DSC3: variants seen among roughly 807,000 people sequenced by gnomAD.
DSC3 encodes the protein desmocollin-3.
A neutral mutation model predicts 89.5 loss-of-function variants in DSC3; 97 were observed. The ratio of observed to expected loss-of-function variants is 1.08; its 90% CI spans 0.92 to 1.28. DSC3 has a LOEUF of 1.28. Ranked by LOEUF, DSC3 falls within the 50% of genes most tolerant of loss-of-function variation. The pLI is 0.00. For synonymous variants in DSC3, 436 were observed against 384.1 expected, an observed-to-expected ratio of 1.14 and a Z score of -1.58; for missense variants, 1,199 against 1,085.3, an observed-to-expected ratio of 1.10 and a Z score of -1.47.
chr18:30,992,697 G>C lies in DSC3; in HGVS notation c.*1478C>G, dbSNP rs1416355514. 1 of 152,170 alleles carries C rather than the reference G, an allele frequency of 6.6e-6. No homozygotes were observed. Among genetic ancestry groups the C allele is most frequent in the Non-Finnish European group, 1.5e-5 (1 of 68,014 alleles). 9.4% of individuals were successfully genotyped at this position (152,170 alleles called of 1,614,324 possible). On this transcript the variant is annotated 3_prime_UTR_variant, in exon 16 of 16. Transcript: ENST00000360428. ...CCCAAAGTTCCCTCTGTTCTAAAAT[G>C]ACAACTTGATCTTTTTCTTTTATAC... is the stretch of plus-strand genomic sequence containing the variant.
intron 9 of DSC3, among the ~76,000 whole-genome samples, chr18:31,015,566 T>C (rs886790020): frequency 6.6e-6 from 1 of 152,196 alleles, no homozygotes; most frequent in Non-Finnish European, 1.5e-5. Flanking sequence ...TAATTCCTAG[T>C]GGTATTTAAA....
At chr18:31,020,035 A>T (rs1022703709) in intron 7 of DSC3, among the ~76,000 whole-genome samples, 5 of 152,216 alleles carry the variant, frequency 3.3e-5, no homozygotes, top group African/African-American at 1.2e-4. Context: ...GGAAGTAAAC[A>T]CTATTGAGGT....
rs370084859 is a variant in DSC3 at position 31,001,620 on chromosome 18, C to A, written c.2233G>T (p.Val745Leu). 7 of 1,609,396 alleles carry A rather than the reference C, an allele frequency of 4.3e-6. No homozygotes were observed. The change falls in exon 14 of 16, where the codon GTG (valine) becomes TTG (leucine). Residue 745 changes from valine (V) to leucine (L), a missense_variant and splice_region_variant. Physicochemically the swap from Val to Leu is conservative, Grantham distance 32. Transcript: ENST00000360428. Reference sequence around the variant, plus strand: ...ATATTTATTTAAAAATTACTTACCACTCTATCGTCTCCAGGTGCTTCTGTG... The same window carrying A: ...ATATTTATTTAAAAATTACTTACCAATCTATCGTCTCCAGGTGCTTCTGTG... ...SNTEAPGDDR[V>L]CSANGFMTQT...
intron 8 of DSC3, 142 bp downstream of exon 8, chr18:31,018,524 A>C: frequency 1.0e-6 from 1 of 971,344 alleles, no homozygotes; most frequent in Non-Finnish European, 1.5e-6. Flanking sequence ...TTTACATATC[A>C]CTTGTTTAAA....
intron 14 of DSC3, 132 bp downstream of exon 14, chr18:31,001,486 C>A: frequency 9.9e-7 from 1 of 1,006,796 alleles, no homozygotes. Context: ...TGAATATTGA[C>A]AGACAATATC....
intron 12 of DSC3, among the ~76,000 whole-genome samples, 178 bp downstream of exon 12, chr18:31,006,729 C>T (rs1030264563): frequency 3.3e-5 from 5 of 152,114 alleles, no homozygotes; most frequent in African/African-American, 1.2e-4. Context: ...TTACATCTTC[C>T]TTCATTTTAT....
At chr18:31,023,434 TCA>T (rs1491492018) in intron 6 of DSC3, among the ~76,000 whole-genome samples, 1 of 152,162 alleles carries the variant, frequency 6.6e-6, no homozygotes, top group Non-Finnish European at 1.5e-5. Flanking sequence ...TTGTAAACCT[TCA>T]CTACACACAA....
Position 30,990,072 on chromosome 18 carries a change from G to C in DSC3, c.*4103C>G, listed in dbSNP as rs1984181471. ...CTAAAAAGAGATGAGATATTGTTCG[G>C]TAGTATATCCAACTACATAATTTTA... On this transcript the variant is annotated 3_prime_UTR_variant, in exon 16 of 16. Coordinates refer to ENST00000360428, the MANE Select transcript of DSC3 (RefSeq NM_001941.5). 1 of 152,128 alleles carries C rather than the reference G, an allele frequency of 6.6e-6. No individual in the cohort carries two copies. The highest frequency in any genetic ancestry group is 1.5e-5 in the Non-Finnish European group (1 of 68,008). 9.4% of individuals were successfully genotyped at this position (152,128 alleles called of 1,614,324 possible).
chr18:31,004,229 G>A lies in DSC3; in HGVS notation c.2026C>T (p.Gln676Ter), dbSNP rs1419192245. 6.2e-7 allele frequency: 1 copy of A among 1,613,866 alleles called. No homozygotes were observed. The highest frequency in any genetic ancestry group is 8.5e-7 in the Non-Finnish European group (1 of 1,179,936). Residue 676 changes from glutamine (Q) to a stop codon, truncating the protein, a stop_gained, in exon 13 of 16, where the codon CAG becomes TAG. Coordinates refer to ENST00000360428, the MANE Select transcript of DSC3 (RefSeq NM_001941.5). LOFTEE classifies it high-confidence loss of function. ...GTACTCCTTGAAGTCGCACGACACT[G>A]AGTTGGATGAGTACATTCACACAGA... ...VNLCECTHPT[Q>*]CRATSRSTGV...
intron 4 of DSC3, among the ~76,000 whole-genome samples, chr18:31,027,728 T>G (rs560406442): frequency 1.8e-4 from 28 of 152,248 alleles, no homozygotes; most frequent in African/African-American, 6.5e-4. Context: ...ATATGTCCCT[T>G]GGTTGTAGAT....
chr18:31,018,549 A>G (rs1488700792), intron 8 of DSC3, 117 bp downstream of exon 8: 1 of 1,177,746 alleles, frequency 8.5e-7, no homozygotes, highest in Non-Finnish European at 1.2e-6. Flanking sequence ...AATTTTATTC[A>G]TAAAATACGT....
rs1986178647 is a variant in DSC3 at position 31,042,716 on chromosome 18, G to C, written c.-56C>G. The stretch of plus-strand genomic sequence containing the variant: ...GGCGCCGGGAGGGTGCCGAGAGCGA[G>C]ACCTGCCGAGGTGCAGGGCGCGGGA... On this transcript the variant is annotated 5_prime_UTR_variant, in exon 1 of 16. Transcript: ENST00000360428. 2 of 1,500,520 alleles carry C rather than the reference G, an allele frequency of 1.3e-6. No homozygotes were observed. The highest frequency in any genetic ancestry group is 1.8e-6 in the Non-Finnish European group (2 of 1,108,538). The allele number at this position is 1,500,520 out of a possible 1,614,324, so 93.0% of individuals were successfully genotyped here.
rs1985819655 is a variant in DSC3 at position 31,032,326 on chromosome 18, A to G, written c.70-50T>C. Reference sequence around the variant, plus strand: ...TACAGTAGAAAATAAAGATTAAAAAAAACATAATCATATCAATAGATGTAA... The same window carrying G: ...TACAGTAGAAAATAAAGATTAAAAAGAACATAATCATATCAATAGATGTAA... On this transcript the variant is annotated intron_variant, in intron 1 of 15. Transcript: ENST00000360428. 3.6e-6 allele frequency: 5 copies of G among 1,384,774 alleles called. No individual in the cohort carries two copies. The East Asian group carries it at 1.2e-4, about 32-fold the overall frequency. The allele number at this position is 1,384,774 out of a possible 1,614,324, so 85.8% of individuals were successfully genotyped here.
At chr18:31,042,220 T>C (rs879640981) in intron 1 of DSC3, among the ~76,000 whole-genome samples, 10 of 151,916 alleles carry the variant, frequency 6.6e-5, no homozygotes, top group Non-Finnish European at 1.2e-4. Context: ...TCAGGGATCC[T>C]CTCCACCCAA....
chr18:31,042,734 G>T lies in DSC3; in HGVS notation c.-74C>A. 1 of 1,385,830 alleles carries T rather than the reference G, an allele frequency of 7.2e-7. No individual in the cohort carries two copies. The highest frequency in any genetic ancestry group is 9.9e-7 in the Non-Finnish European group (1 of 1,014,214). The allele number at this position is 1,385,830 out of a possible 1,614,324, so 85.8% of individuals were successfully genotyped here. On this transcript the variant is annotated 5_prime_UTR_variant, in exon 1 of 16. Coordinates refer to ENST00000360428, the MANE Select transcript of DSC3 (RefSeq NM_001941.5). ...AGAGCGAGACCTGCCGAGGTGCAGGGCGCGGGAGGTGCTTTTCTCGCCGCT... is the reference window on the plus strand; with the variant it reads ...AGAGCGAGACCTGCCGAGGTGCAGGTCGCGGGAGGTGCTTTTCTCGCCGCT...
intron 9 of DSC3, among the ~76,000 whole-genome samples, chr18:31,015,761 T>A (rs1178376199): frequency 6.6e-6 from 1 of 152,070 alleles, no homozygotes; most frequent in Non-Finnish European, 1.5e-5. Flanking sequence ...GCTACTGTAG[T>A]TATATTGTCT....
In DSC3 at chr18:30,991,135, A is replaced by G. The variant is rs1049180057; in HGVS notation, c.*3040T>C. ...TACTTTACGCATCCAATTTTTGCTT[A>G]TTTTAAGCAGCCAAGTTTCTTTAAA... is the stretch of plus-strand genomic sequence containing the variant. On this transcript the variant is annotated 3_prime_UTR_variant, in exon 16 of 16. Coordinates refer to ENST00000360428, the MANE Select transcript of DSC3 (RefSeq NM_001941.5). 6.6e-6 allele frequency: 1 copy of G among 152,610 alleles called. No individual in the cohort carries two copies. The highest frequency in any genetic ancestry group is 2.4e-5 in the African/African-American group (1 of 41,448). The allele number at this position is 152,610 out of a possible 1,614,324, so 9.5% of individuals were successfully genotyped here.
In DSC3 at chr18:31,031,046, A is replaced by G. The variant is rs1985770946; in HGVS notation, c.281T>C (p.Phe94Ser). 6.2e-7 allele frequency: 1 copy of G among 1,613,910 alleles called. No homozygotes were observed. Among genetic ancestry groups the G allele is most frequent in the African/African-American group, 1.3e-5 (1 of 74,912 alleles). The change falls in exon 3 of 16, where the codon TTT (phenylalanine) becomes TCT (serine). Residue 94 changes from phenylalanine to serine, a missense_variant. Physicochemically the swap from Phe to Ser is radical, Grantham distance 155. Transcript: ENST00000360428. Reference sequence around the variant, plus strand: ...CCTTTTGTCAGAAAGCCATATGGTAAATGATCTTTTCTTATCAGACAGCGC... The same window carrying G: ...CCTTTTGTCAGAAAGCCATATGGTAGATGATCTTTTCTTATCAGACAGCGC... ...AVALSDKKRS[F>S]TIWLSDKRKQ...
intron 6 of DSC3, among the ~76,000 whole-genome samples, chr18:31,022,841 A>G (rs1484477481): frequency 2.6e-5 from 4 of 152,206 alleles, no homozygotes; most frequent in African/African-American, 9.6e-5. Flanking sequence ...GGAATAAACC[A>G]TGTCTCCTTA....
Sources: gnomAD v4.1 joint callset for allele counts (sites outside exome capture counted in the v4.1 genomes callset) on GRCh38, gnomAD v4.1.1 for gene constraint, MANE v1.5 for transcripts, NCBI Gene and HGNC (gene_info 2026-07-23, HGNC 2026-07-21) for gene names.